The following SNTG1 variants were observed in gnomAD, a reference collection of about 807,000 sequenced individuals.
The protein encoded by SNTG1 is syntrophin gamma 1, also known as gamma-1-syntrophin.
SNTG1 carries 39 observed loss-of-function variants against 74.7 expected under a neutral mutation model. The observed-to-expected ratio is 0.52, with a 90% confidence interval of 0.40 to 0.68. SNTG1 has a LOEUF of 0.68. Ranked by LOEUF, SNTG1 falls within the 30% of genes least tolerant of loss-of-function variation. The pLI is 0.00. For missense variants in SNTG1, 685 were observed against 609.5 expected (o/e 1.12, Z -1.30); for synonymous variants, 254 against 217.1 (o/e 1.17, Z -1.49).
At chr8:50,299,582 A>T (rs1047971277) in intron 2 of SNTG1, among the ~76,000 whole-genome samples, 9 of 152,156 alleles carry the variant, frequency 5.9e-5, no homozygotes, top group African/African-American at 1.9e-4. Context: ...GAATCACATT[A>T]AAAAAGTAAA....
chr8:50,773,661 C>G (rs1409453381), intron 18 of SNTG1, among the ~76,000 whole-genome samples: 8 of 151,926 alleles, frequency 5.3e-5, no homozygotes, highest in Non-Finnish European at 1.2e-4. Flanking sequence ...ATCTGATGTC[C>G]AAGAATATTC....
intron 1 of SNTG1, among the ~76,000 whole-genome samples, chr8:50,103,043 G>A (rs1314224592): frequency 5.9e-5 from 9 of 151,858 alleles, no homozygotes; most frequent in Admixed American, 5.9e-4. Flanking sequence ...GGCGATGCGG[G>A]CTCTTTTTTG....
At chr8:49,970,602 A>T (rs1003175765) in intron 1 of SNTG1, among the ~76,000 whole-genome samples, 3 of 152,112 alleles carry the variant, frequency 2.0e-5, no homozygotes, top group African/African-American at 7.2e-5. Flanking sequence ...AGATGTTTTT[A>T]TTTGTCCTCT....
intron 10 of SNTG1, among the ~76,000 whole-genome samples, chr8:50,534,513 T>C (rs2094293730): frequency 6.6e-6 from 1 of 152,108 alleles, no homozygotes; most frequent in South Asian, 2.1e-4. Context: ...AACTTTCTTG[T>C]CTCACGCCTG....
intron 15 of SNTG1, among the ~76,000 whole-genome samples, chr8:50,686,330 T>C (rs1488788588): frequency 3.9e-5 from 6 of 152,190 alleles, no homozygotes. Context: ...ATTAATAGCT[T>C]CTAAAGCGGG....
At chr8:49,921,988 C>A (rs931631819) in intron 1 of SNTG1, among the ~76,000 whole-genome samples, 2 of 152,060 alleles carry the variant, frequency 1.3e-5, no homozygotes, top group Non-Finnish European at 2.9e-5. Context: ...CTATTATATT[C>A]TCTTCTACGT....
intron 9 of SNTG1, among the ~76,000 whole-genome samples, chr8:50,506,995 C>G (rs1171338556): frequency 2.6e-5 from 4 of 151,912 alleles, no homozygotes; most frequent in African/African-American, 9.7e-5. Context: ...TCCTTCTATT[C>G]CTAGTTTGTA....
intron 2 of SNTG1, among the ~76,000 whole-genome samples, chr8:50,388,741 G>A (rs189405118): frequency 1.1e-4 from 16 of 152,288 alleles, no homozygotes; most frequent in Admixed American, 8.5e-4. Context: ...CAACTTATTT[G>A]ATGAGACCCA....
chr8:50,055,771 T>C (rs966552801), intron 1 of SNTG1, among the ~76,000 whole-genome samples: 2 of 152,088 alleles, frequency 1.3e-5, no homozygotes, highest in African/African-American at 4.8e-5. Context: ...ACCCATTCTT[T>C]TTTTCTCTCA....
At chr8:50,388,146 C>G (rs907271253) in intron 2 of SNTG1, among the ~76,000 whole-genome samples, 1 of 152,150 alleles carries the variant, frequency 6.6e-6, no homozygotes, top group Non-Finnish European at 1.5e-5. Flanking sequence ...CTAAGACAGG[C>G]ATATGCATTT....
chr8:50,718,103 G>A (rs1015067789), intron 17 of SNTG1, among the ~76,000 whole-genome samples: 1 of 152,050 alleles, frequency 6.6e-6, no homozygotes, highest in Non-Finnish European at 1.5e-5. Flanking sequence ...AGGATAACCT[G>A]GAAGCTGCAA....
At position 50,005,955 on chromosome 8, in the gene SNTG1, CTTTTTTTT is replaced by C. The variant is rs57041850; in HGVS notation, c.-103+93745_-103+93752del. Among the ~76,000 whole-genome samples the C allele has an allele frequency of 2.5e-4, 22 of 89,398 alleles. No individual in the cohort carries two copies. In the East Asian group the frequency reaches 6.7e-3, roughly 27 times the overall value. 58.6% of individuals were successfully genotyped at this position (89,398 alleles called of 152,430 possible). A position where few individuals can be genotyped will look rare whatever the true frequency, so the allele number is the denominator to read the frequency against. ...TTACTTTTCATTTCCATTACTTGCA[CTTTTTTTT>C]TTTTTTTTTTTTTTTTTTTTGAGAT... On this transcript the variant is annotated intron_variant, in intron 1 of 18. Coordinates refer to ENST00000642720, the MANE Select transcript of SNTG1 (RefSeq NM_018967.5).
chr8:50,704,748 T>C lies in SNTG1; in HGVS notation c.1187T>C (p.Ile396Thr), dbSNP rs1165127058. The C allele has an allele frequency of 4.3e-6, 7 of 1,614,054 alleles. No individual in the cohort carries two copies. Among genetic ancestry groups the C allele is most frequent in the Non-Finnish European group, 5.1e-6 (6 of 1,179,984 alleles). Reference protein sequence around the residue: ...QTATFLEVERIQCKTYACVLE... With the variant: ...QTATFLEVERTQCKTYACVLE... ...GCAACCTTTCTAGAAGTAGAACGGA[T>C]ACAGGTGAGAGTCTGTGGGACTGCA... Residue 396 changes from isoleucine (I) to threonine (T), a missense_variant, in exon 16 of 19, where the codon ATA (isoleucine) becomes ACA (threonine). By Grantham distance (89) the Ile-to-Thr change is moderately conservative. Transcript: ENST00000642720.
intron 2 of SNTG1, among the ~76,000 whole-genome samples, chr8:50,255,550 A>T (rs1311943187): frequency 6.6e-6 from 1 of 152,160 alleles, no homozygotes; most frequent in Non-Finnish European, 1.5e-5. Context: ...TGTGAGCAAG[A>T]ATCTGCTCTG....
chr8:50,389,290 T>C (rs2092621339), intron 2 of SNTG1, among the ~76,000 whole-genome samples: 1 of 152,196 alleles, frequency 6.6e-6, no homozygotes, highest in South Asian at 2.1e-4. Flanking sequence ...GCTATACATG[T>C]ATACTGGGAT....
intron 13 of SNTG1, among the ~76,000 whole-genome samples, chr8:50,611,717 GT>G (rs1442580385): frequency 6.6e-6 from 1 of 152,092 alleles, no homozygotes; most frequent in Non-Finnish European, 1.5e-5. Context: ...GAGTCCAAGA[GT>G]TTCAGTTTAG....
intron 5 of SNTG1, among the ~76,000 whole-genome samples, chr8:50,444,781 A>G (rs10429421): frequency 0.86 from 126,224 of 147,230 alleles, 54,305 homozygotes; most frequent in Non-Finnish European, 0.89. Context: ...AGAGATAACA[A>G]GCATACAGTA....
At chr8:49,910,256 G>A (rs1805513241), upstream of SNTG1, among the ~76,000 whole-genome samples, 4 of 152,148 alleles carry the variant, frequency 2.6e-5, no homozygotes, top group South Asian at 8.3e-4. Flanking sequence ...CCTTCCCACA[G>A]CCCGGGAGAA....
chr8:49,973,374 G>T (rs558874052), intron 1 of SNTG1, among the ~76,000 whole-genome samples: 5 of 149,794 alleles, frequency 3.3e-5, no homozygotes, highest in African/African-American at 1.2e-4. Context: ...GGGGTGGGGG[G>T]AAGGGGGAGG....
Sources: allele counts gnomAD v4.1 joint callset (sites outside exome capture counted in the v4.1 genomes callset), GRCh38; gene constraint gnomAD v4.1.1; transcripts MANE v1.5; gene names NCBI Gene and HGNC (gene_info 2026-07-23, HGNC 2026-07-21).